SMOC2: variants seen among roughly 807,000 people sequenced by gnomAD.
SMOC2 encodes SPARC related modular calcium binding 2, also known as SPARC-related modular calcium-binding protein 2.
In SMOC2, 39 loss-of-function variants were observed where a neutral mutation model predicts 61.4. That is an observed-to-expected ratio of 0.64 (90% CI 0.49 to 0.83). SMOC2 has a LOEUF of 0.83. Among genes scored for constraint, SMOC2 ranks in the 40% least tolerant of loss-of-function variants. SMOC2 has a pLI of 0.00. For synonymous variants in SMOC2, 247 were observed against 239.9 expected (o/e 1.03, Z -0.27); for missense variants, 556 against 592.9 (o/e 0.94, Z 0.65).
At chr6:168,455,508 TTC>T (rs1781563035) in intron 1 of SMOC2, among the ~76,000 whole-genome samples, 1 of 152,208 alleles carries the variant, frequency 6.6e-6, no homozygotes. Context: ...TCTTTCCTCA[TTC>T]TCTCCTACTT....
At chr6:168,583,557 C>CTCATCTT (rs1784972428) in intron 7 of SMOC2, among the ~76,000 whole-genome samples, 13 of 151,784 alleles carry the variant, frequency 8.6e-5, no homozygotes, top group Admixed American at 7.9e-4. Flanking sequence ...GGGTCTGACC[C>CTCATCTT]CCTGTCTCTC....
At chr6:168,650,849 T>C in intron 10 of SMOC2, 66 bp downstream of exon 10, 2 of 1,441,988 alleles carry the variant, frequency 1.4e-6, no homozygotes, top group South Asian at 2.4e-5. Context: ...ATCTGGAAAG[T>C]CTGAACATTA....
rs369851366 is a variant in SMOC2, at chr6:168,608,183, C to T, written c.851C>T (p.Thr284Met). 2.2e-5 allele frequency: 35 copies of T among 1,613,868 alleles called. 1 individual carries two copies. Among genetic ancestry groups the T allele is most frequent in the African/African-American group, 2.1e-4 (16 of 75,048 alleles). The change falls in exon 9 of 13, where the codon ACG becomes ATG. Residue 284 changes from threonine (T) to methionine (M), a missense_variant. Transcript: ENST00000356284. ...TRYEQPKCDNTARAHPAKARD... is the reference protein window; with the variant it reads ...TRYEQPKCDNMARAHPAKARD... The stretch of plus-strand genomic sequence containing the variant: ...TACGAGCAGCCGAAATGTGACAACA[C>T]GGCCAGGGCCCACCCAGCCAAAGCC...
At chr6:168,556,217 C>T (rs1030913601) in intron 7 of SMOC2, among the ~76,000 whole-genome samples, 29 of 152,196 alleles carry the variant, frequency 1.9e-4, no homozygotes, top group Middle Eastern at 3.2e-3. Context: ...CGTCCGTGGC[C>T]TCTCCCGGCT....
At chr6:168,491,041 A>G (rs1295697537) in intron 1 of SMOC2, among the ~76,000 whole-genome samples, 5 of 151,996 alleles carry the variant, frequency 3.3e-5, no homozygotes, top group Non-Finnish European at 5.9e-5. Context: ...GCAAGGGGGC[A>G]GCGGGGGCGG....
intron 10 of SMOC2, among the ~76,000 whole-genome samples, chr6:168,651,028 G>A (rs1049521334): frequency 1.3e-5 from 2 of 152,244 alleles, no homozygotes; most frequent in African/African-American, 2.4e-5. Context: ...CCTCTGCGGG[G>A]TAGTGGGCTC....
chr6:168,657,219 C>T (rs1010499262), intron 11 of SMOC2, among the ~76,000 whole-genome samples: 2 of 152,200 alleles, frequency 1.3e-5, no homozygotes, highest in Non-Finnish European at 2.9e-5. Flanking sequence ...ATTTTCACAG[C>T]CATCCTGAGG....
intron 9 of SMOC2, among the ~76,000 whole-genome samples, chr6:168,633,630 G>T (rs1044165649): frequency 6.6e-6 from 1 of 152,216 alleles, no homozygotes; most frequent in Admixed American, 6.5e-5. Flanking sequence ...GGCAGAAGAA[G>T]AAGTGAGTCC....
At chr6:168,585,709 T>G (rs1332716784) in intron 7 of SMOC2, among the ~76,000 whole-genome samples, 1 of 152,264 alleles carries the variant, frequency 6.6e-6, no homozygotes, top group Non-Finnish European at 1.5e-5. Context: ...AGGCATGTGG[T>G]GCTGCCTCAT....
In SMOC2 at chr6:168,624,097, G is replaced by A. The variant is rs141312931; in HGVS notation, c.907+15858G>A. Among the ~76,000 whole-genome samples the A allele has an allele frequency of 2.4e-3, 361 of 152,324 alleles. 1 individual carries two copies. The highest frequency in any genetic ancestry group is 7.8e-3 in the African/African-American group (326 of 41,572). On this transcript the variant is annotated intron_variant, in intron 9 of 12. Coordinates refer to ENST00000356284, the MANE Select transcript of SMOC2 (RefSeq NM_001166412.2). ...AGGACCAAATGGAGACAGTAACAGG[G>A]TCAACAACCACCACCACAACATTCA...
chr6:168,614,094 C>T (rs1583161130), intron 9 of SMOC2, among the ~76,000 whole-genome samples: 2 of 93,102 alleles, frequency 2.1e-5, no homozygotes, highest in Non-Finnish European at 2.2e-5. Flanking sequence ...AGGGCCTCTT[C>T]ATACCTACAG....
In SMOC2 at chr6:168,556,606, A is replaced by T. The variant is rs562085211; in HGVS notation, c.637+7403A>T. ...ATGCGCCTTGGGATCTTTTTTTTTT[A>T]AATTATACTTTAAGTTTTAGGGTAC... On this transcript the variant is annotated intron_variant, in intron 7 of 12. Transcript: ENST00000356284. Among the ~76,000 whole-genome samples, 91 of 146,060 alleles carry T rather than the reference A, an allele frequency of 6.2e-4. 1 individual carries two copies. Among genetic ancestry groups the T allele is most frequent in the Admixed American group, 1.7e-3 (25 of 14,734 alleles).
chr6:168,560,554 A>ACGTGAGGCTCTCACTG (rs1784389295), intron 7 of SMOC2, among the ~76,000 whole-genome samples: 1 of 140,962 alleles, frequency 7.1e-6, no homozygotes, highest in African/African-American at 2.6e-5. Flanking sequence ...CTGCCCTGAG[A>ACGTGAGGCTCTCACTG]CACGAGGCTC....
intron 1 of SMOC2, among the ~76,000 whole-genome samples, chr6:168,444,347 C>T (rs1219254404): frequency 6.6e-6 from 1 of 152,138 alleles, no homozygotes; most frequent in Non-Finnish European, 1.5e-5. Flanking sequence ...TCTTACTCAC[C>T]TATGGTGAGT....
intron 1 of SMOC2, among the ~76,000 whole-genome samples, chr6:168,498,607 C>A (rs1375551215): frequency 3.3e-5 from 5 of 152,264 alleles, no homozygotes; most frequent in Non-Finnish European, 1.5e-5. Context: ...CTGCTGCAGG[C>A]TGAGTGGTGA....
chr6:168,542,590 C>T (rs77934263), intron 4 of SMOC2, among the ~76,000 whole-genome samples: 173 of 152,214 alleles, frequency 1.1e-3, no homozygotes, highest in Admixed American at 2.0e-3. Context: ...GGGGTGGCTG[C>T]GCTGTGTTCC....
At chr6:168,607,585 GT>G (rs5881799) in intron 8 of SMOC2, among the ~76,000 whole-genome samples, 25,259 of 147,778 alleles carry the variant, frequency 0.17, 2,281 homozygotes, top group Middle Eastern at 0.31. Context: ...CCAGAGAGTC[GT>G]TTTTTTTTTT....
chr6:168,482,450 G>C (rs944906660), intron 1 of SMOC2, among the ~76,000 whole-genome samples: 1 of 152,020 alleles, frequency 6.6e-6, no homozygotes, highest in African/African-American at 2.4e-5. Context: ...GAGAAAACCT[G>C]TGGACCTCAC....
intron 11 of SMOC2, among the ~76,000 whole-genome samples, chr6:168,659,041 T>A (rs1351402079): frequency 7.2e-6 from 1 of 138,026 alleles, no homozygotes; most frequent in Non-Finnish European, 1.5e-5. Flanking sequence ...TGTGTATGTG[T>A]GTGTGTGGCG....
Sources: gnomAD v4.1 joint callset for allele counts (sites outside exome capture counted in the v4.1 genomes callset) on GRCh38, gnomAD v4.1.1 for gene constraint, MANE v1.5 for transcripts, NCBI Gene and HGNC (gene_info 2026-07-23, HGNC 2026-07-21) for gene names.